The following ATF6 variants were observed in gnomAD, a reference collection of about 807,000 sequenced individuals.
The protein encoded by ATF6 is activating transcription factor 6, also known as cyclic AMP-dependent transcription factor ATF-6 alpha.
In ATF6, 53 loss-of-function variants were observed where a neutral mutation model predicts 83.6. The observed-to-expected ratio is 0.63, with a 90% CI of 0.51 to 0.80. The LOEUF (loss-of-function observed/expected upper bound fraction) is 0.80. ATF6 is among the 30% of genes least tolerant of loss of function. The pLI is 0.00. For missense variants in ATF6, 744 were observed against 797.9 expected (o/e 0.93, Z 0.81); for synonymous variants, 288 against 285.8 (o/e 1.01, Z -0.08).
intron 9 of ATF6, among the ~76,000 whole-genome samples, chr1:161,822,536 C>CT (rs1049417734): frequency 1.4e-4 from 19 of 132,972 alleles, no homozygotes; most frequent in Non-Finnish European, 2.5e-4. Flanking sequence ...TGAATGATCT[C>CT]TTTTTTAAAA....
chr1:161,861,527 A>C (rs1006148763), intron 13 of ATF6, among the ~76,000 whole-genome samples: 1 of 152,192 alleles, frequency 6.6e-6, no homozygotes, highest in Non-Finnish European at 1.5e-5. Context: ...TATTTTAAAA[A>C]TATATCAATT....
intron 7 of ATF6, among the ~76,000 whole-genome samples, chr1:161,810,696 T>G (rs1685433985): frequency 1.3e-5 from 2 of 152,156 alleles, no homozygotes; most frequent in African/African-American, 4.8e-5. Flanking sequence ...GTACCATCAC[T>G]GCTGTCTAAT....
At chr1:161,869,286 A>G (rs1436679468) in intron 14 of ATF6, among the ~76,000 whole-genome samples, 1 of 152,016 alleles carries the variant, frequency 6.6e-6, no homozygotes, top group Non-Finnish European at 1.5e-5. Flanking sequence ...TTATATGCAT[A>G]TATAAAAATT....
intron 7 of ATF6, among the ~76,000 whole-genome samples, chr1:161,810,717 T>A (rs1213771786): frequency 6.6e-6 from 1 of 152,106 alleles, no homozygotes; most frequent in Non-Finnish European, 1.5e-5. Context: ...TCCAGAATAT[T>A]TTTGTCACCC....
At chr1:161,878,133 G>A (rs1687255054) in intron 14 of ATF6, among the ~76,000 whole-genome samples, 1 of 152,074 alleles carries the variant, frequency 6.6e-6, no homozygotes, top group Non-Finnish European at 1.5e-5. Flanking sequence ...TATTTATTTG[G>A]AGACGAGTCT....
chr1:161,944,448 G>A (rs551048408), intron 15 of ATF6, among the ~76,000 whole-genome samples: 1 of 152,322 alleles, frequency 6.6e-6, no homozygotes, highest in East Asian at 1.9e-4. Flanking sequence ...ATGGATGAAT[G>A]AAATGCCTGG....
chr1:161,827,487 G>A (rs1183000071), intron 9 of ATF6, among the ~76,000 whole-genome samples: 2 of 152,114 alleles, frequency 1.3e-5, no homozygotes, highest in Non-Finnish European at 1.5e-5. Context: ...AATTAAGTTT[G>A]TCAGACAAAT....
chr1:161,839,043 G>A (rs1259268492), intron 9 of ATF6, among the ~76,000 whole-genome samples: 2 of 152,106 alleles, frequency 1.3e-5, no homozygotes, highest in African/African-American at 4.8e-5. Flanking sequence ...ATAATGTTCT[G>A]TTCCTGGATC....
chr1:161,783,059 A>G (rs1684672688), intron 3 of ATF6, among the ~76,000 whole-genome samples: 1 of 152,112 alleles, frequency 6.6e-6, no homozygotes, highest in African/African-American at 2.4e-5. Flanking sequence ...GACTAGGACT[A>G]CTAAATGGAG....
chr1:161,847,632 C>T (rs1422984870), intron 10 of ATF6, among the ~76,000 whole-genome samples: 2 of 152,014 alleles, frequency 1.3e-5, no homozygotes, highest in African/African-American at 2.4e-5. Context: ...GATCTCTTAA[C>T]GGTGCCCCTG....
intron 13 of ATF6, among the ~76,000 whole-genome samples, chr1:161,861,146 G>C (rs1379622533): frequency 6.6e-6 from 1 of 152,170 alleles, no homozygotes; most frequent in East Asian, 1.9e-4. Context: ...TGATAATGAT[G>C]TGATGTCATT....
chr1:161,910,543 T>C (rs1219478875), intron 14 of ATF6, among the ~76,000 whole-genome samples: 2 of 152,232 alleles, frequency 1.3e-5, no homozygotes, highest in African/African-American at 2.4e-5. Flanking sequence ...GTATGGCATC[T>C]GTATCTTAGC....
chr1:161,844,827 A>G (rs909599054), intron 9 of ATF6, among the ~76,000 whole-genome samples: 2 of 151,974 alleles, frequency 1.3e-5, no homozygotes, highest in Non-Finnish European at 2.9e-5. Flanking sequence ...TGCTTCTCTC[A>G]TGTTTTCTTA....
intron 15 of ATF6, among the ~76,000 whole-genome samples, chr1:161,927,333 T>A (rs547336490): frequency 6.6e-6 from 1 of 152,306 alleles, no homozygotes; most frequent in South Asian, 2.1e-4. Flanking sequence ...TTTTTAAATA[T>A]AATGTAAAAA....
intron 14 of ATF6, among the ~76,000 whole-genome samples, chr1:161,867,038 TA>T (rs1343212055): frequency 6.6e-5 from 10 of 152,194 alleles, no homozygotes; most frequent in African/African-American, 2.4e-4. Flanking sequence ...CTCACGCCTG[TA>T]ATCCCAGCAC....
chr1:161,888,290 C>T (rs4147177), intron 14 of ATF6, among the ~76,000 whole-genome samples: 21,639 of 152,060 alleles, frequency 0.14, 2,117 homozygotes, highest in East Asian at 0.32. Context: ...TTTGTTAAAC[C>T]GTATATACCA....
chr1:161,919,281 T>A (rs1365488109), intron 15 of ATF6, among the ~76,000 whole-genome samples: 4 of 152,204 alleles, frequency 2.6e-5, no homozygotes, highest in East Asian at 1.9e-4. Context: ...AAGGCTTTTT[T>A]AAAAAAGGAT....
In ATF6 at chr1:161,781,998, A is replaced by G; in HGVS notation, c.246A>G (p.Thr82=). 6.3e-7 allele frequency: 1 copy of G among 1,591,798 alleles called. No individual in the cohort carries two copies. The highest frequency in any genetic ancestry group is 8.6e-7 in the Non-Finnish European group (1 of 1,164,586). The change falls in exon 3 of 16, where the codon ACA becomes ACG. Residue 82 remains threonine, a splice_region_variant and synonymous_variant. Transcript: ENST00000367942. ...DIWDINNQIC[T]VKDIKAEPQP... is the part of the protein sequence containing the mutation. ...GGGACATCAACAACCAAATCTGTAC[A>G]GGTAATTATGTGTTTCACTGGTAAA...
intron 15 of ATF6, among the ~76,000 whole-genome samples, chr1:161,917,029 TG>T (rs1688114821): frequency 6.6e-6 from 1 of 152,222 alleles, no homozygotes. Flanking sequence ...TCTCCTCTTC[TG>T]TCAGGATGGA....
Sources: allele counts gnomAD v4.1 joint callset (sites outside exome capture counted in the v4.1 genomes callset), GRCh38; gene constraint gnomAD v4.1.1; transcripts MANE v1.5; gene names NCBI Gene and HGNC (gene_info 2026-07-23, HGNC 2026-07-21).